CABIN1: variants seen among roughly 807,000 people sequenced by gnomAD.
CABIN1 encodes calcineurin binding protein 1, also known as calcineurin-binding protein cabin-1.
A neutral mutation model predicts 227.7 loss-of-function variants in CABIN1; 133 were observed. The ratio of observed to expected loss-of-function variants is 0.58; its 90% CI spans 0.51 to 0.67. CABIN1 has a LOEUF of 0.67. CABIN1 is among the 30% of genes least tolerant of loss of function. The probability of loss-of-function intolerance (pLI) is 0.00; values close to 1 mark genes in which losing one functional copy is unlikely to be tolerated. For missense variants in CABIN1, 2,408 were observed against 2,852.5 expected (o/e 0.84, Z 3.55); for synonymous variants, 1,086 against 1,155.1 (o/e 0.94, Z 1.21).
At position 24,124,815 on chromosome 22, in the gene CABIN1, G is replaced by T. The variant is rs182839092; in HGVS notation, c.4632+5117G>T. Among the ~76,000 whole-genome samples, 10 of 152,250 alleles carry T rather than the reference G, an allele frequency of 6.6e-5. No homozygotes were observed. In the East Asian group the frequency reaches 1.5e-3, roughly 24 times the overall value. On this transcript the variant is annotated intron_variant, in intron 28 of 36. Coordinates refer to ENST00000263119, the MANE Select transcript of CABIN1 (RefSeq NM_012295.4). ...TGCCTCCTGCTCAGCTGGGAGCTGA[G>T]CCCCTTCACCTCCTGCTACTTCTGC...
At chr22:24,069,508 C>T (rs141531919) in intron 16 of CABIN1, among the ~76,000 whole-genome samples, 117 of 152,326 alleles carry the variant, frequency 7.7e-4, no homozygotes, top group Middle Eastern at 6.8e-3. Flanking sequence ...GCACCGTTAG[C>T]AGGTCCTTGT....
chr22:24,086,752 A>G (rs1220807474), intron 22 of CABIN1, among the ~76,000 whole-genome samples: 2 of 152,074 alleles, frequency 1.3e-5, no homozygotes, highest in Non-Finnish European at 2.9e-5. Flanking sequence ...TCCTCCTCTC[A>G]GACAGGTTTC....
chr22:24,020,308 T>G (rs1449138346), intron 1 of CABIN1, among the ~76,000 whole-genome samples: 2 of 152,190 alleles, frequency 1.3e-5, no homozygotes. Flanking sequence ...TGTGTTTTTT[T>G]GTTAGTATCT....
At chr22:24,052,846 C>G (rs1205325428) in intron 8 of CABIN1, among the ~76,000 whole-genome samples, 2 of 151,780 alleles carry the variant, frequency 1.3e-5, no homozygotes, top group African/African-American at 2.4e-5. Flanking sequence ...GTTTACCACC[C>G]CTGGTTTCCT....
intron 19 of CABIN1, 95 bp downstream of exon 19, chr22:24,076,379 G>A: frequency 4.1e-6 from 4 of 982,050 alleles, no homozygotes; most frequent in African/African-American, 1.6e-5. Context: ...TTGGCACGCT[G>A]GGCTTGCTTG....
chr22:24,017,790 A>ATTTTTTTTTT (rs138381748), intron 1 of CABIN1, among the ~76,000 whole-genome samples: 1 of 141,550 alleles, frequency 7.1e-6, no homozygotes. Flanking sequence ...TGCTTTCACC[A>ATTTTTTTTTT]TTTTTTTTTT....
intron 22 of CABIN1, among the ~76,000 whole-genome samples, chr22:24,086,598 A>C (rs1224470956): frequency 6.6e-6 from 1 of 152,244 alleles, no homozygotes; most frequent in Non-Finnish European, 1.5e-5. Flanking sequence ...CTGTGCTAGC[A>C]GTGCATTAAG....
chr22:24,138,795 A>G (rs117130195), intron 29 of CABIN1, among the ~76,000 whole-genome samples: 99 of 152,332 alleles, frequency 6.5e-4, no homozygotes, highest in Non-Finnish European at 9.3e-4. Context: ...AACATGGACA[A>G]CTATGTCAAA....
intron 29 of CABIN1, among the ~76,000 whole-genome samples, chr22:24,154,838 G>C (rs1325363474): frequency 1.3e-5 from 2 of 152,216 alleles, no homozygotes; most frequent in Non-Finnish European, 2.9e-5. Flanking sequence ...GCTGGCTCCA[G>C]GAACCAGCCC....
chr22:24,081,751 G>T (rs1272938895), intron 19 of CABIN1, among the ~76,000 whole-genome samples: 1 of 151,642 alleles, frequency 6.6e-6, no homozygotes, highest in Non-Finnish European at 1.5e-5. Flanking sequence ...TTTGGGCCAG[G>T]TGCAGTGGCT....
chr22:24,015,485 C>T (rs1205859692), intron 1 of CABIN1, among the ~76,000 whole-genome samples: 2 of 151,102 alleles, frequency 1.3e-5, no homozygotes, highest in Admixed American at 1.3e-4. Context: ...GCTGGGACTA[C>T]AGGCGCCCAC....
chr22:24,032,453 A>ATAG (rs2036563024), intron 1 of CABIN1, among the ~76,000 whole-genome samples: 1 of 152,232 alleles, frequency 6.6e-6, no homozygotes, highest in South Asian at 2.1e-4. Flanking sequence ...ACATGAGTGT[A>ATAG]CAAGTGTCTG....
At chr22:24,036,215 C>G (rs1465808030) in intron 3 of CABIN1, 34 bp downstream of exon 3, 2 of 1,413,276 alleles carry the variant, frequency 1.4e-6, no homozygotes, top group East Asian at 2.3e-5. Context: ...GTAGGTGGAC[C>G]TTCTCATTTC....
At chr22:24,112,717 T>A (rs77742556) in intron 26 of CABIN1, among the ~76,000 whole-genome samples, 1,940 of 152,202 alleles carry the variant, frequency 0.013, 35 homozygotes, top group African/African-American at 0.045. Flanking sequence ...AGACCTCTAA[T>A]GTTTGGACCC....
intron 35 of CABIN1, 149 bp downstream of exon 35, chr22:24,176,424 G>A (rs1262937137): frequency 2.2e-6 from 2 of 927,144 alleles, no homozygotes; most frequent in African/African-American, 3.3e-5. Flanking sequence ...GGTAGTGCAG[G>A]CTGGACAGGG....
intron 29 of CABIN1, among the ~76,000 whole-genome samples, chr22:24,140,481 C>T (rs1330469875): frequency 5.9e-5 from 9 of 152,074 alleles, no homozygotes; most frequent in Non-Finnish European, 1.3e-4. Context: ...GTCTGGGTGC[C>T]CAGAAGCTTC....
chr22:24,043,200 T>G, intron 6 of CABIN1, 116 bp downstream of exon 6: 1 of 795,530 alleles, frequency 1.3e-6, no homozygotes, highest in South Asian at 1.6e-5. Flanking sequence ...TGCCAGACTG[T>G]CAGGGAGAAT....
intron 32 of CABIN1, among the ~76,000 whole-genome samples, chr22:24,167,864 C>A (rs1192303929): frequency 6.6e-6 from 1 of 152,144 alleles, no homozygotes; most frequent in Non-Finnish European, 1.5e-5. Flanking sequence ...TCATATGGAC[C>A]TTGGGCACTG....
chr22:24,120,577 T>C (rs990552578), intron 28 of CABIN1, among the ~76,000 whole-genome samples: 1 of 152,018 alleles, frequency 6.6e-6, no homozygotes, highest in Non-Finnish European at 1.5e-5. Flanking sequence ...ATCCCAGCAC[T>C]TTGGGAGGCT....
Sources: gnomAD v4.1 joint callset for allele counts (sites outside exome capture counted in the v4.1 genomes callset) on GRCh38, gnomAD v4.1.1 for gene constraint, MANE v1.5 for transcripts, NCBI Gene and HGNC (gene_info 2026-07-23, HGNC 2026-07-21) for gene names.